PTPRM: variants seen among roughly 807,000 people sequenced by gnomAD.
PTPRM encodes the protein receptor-type tyrosine-protein phosphatase mu.
In PTPRM, 47 loss-of-function variants were observed where a neutral mutation model predicts 186.7. The ratio of observed to expected loss-of-function variants is 0.25; its 90% CI spans 0.20 to 0.32. The LOEUF is 0.32. PTPRM is among the 10% of genes least tolerant of loss of function. The probability of loss-of-function intolerance (pLI) is 1.00; values close to 1 mark genes in which losing one functional copy is unlikely to be tolerated. For missense variants in PTPRM, 1,494 were observed against 1,865.0 expected (o/e 0.80, Z 3.66); for synonymous variants, 668 against 674.9 (o/e 0.99, Z 0.16).
chr18:8,319,285 C>A, intron 22 of PTPRM, 71 bp downstream of exon 22: 1 of 1,128,712 alleles, frequency 8.9e-7, no homozygotes, highest in Non-Finnish European at 1.3e-6. Context: ...GTACCCACTT[C>A]ACCCTCCTTC....
chr18:7,719,826 T>C lies in PTPRM; in HGVS notation c.74-54323T>C, dbSNP rs557117760. 2.0e-4 allele frequency among the ~76,000 whole-genome samples: 30 copies of C among 152,286 alleles called. No homozygotes were observed. In the South Asian group the frequency reaches 6.0e-3, roughly 31 times the overall value. On this transcript the variant is annotated intron_variant, in intron 1 of 32. Transcript: ENST00000580170. The stretch of plus-strand genomic sequence containing the variant: ...GAAACTACCTCTTTACAGATGATAC[T>C]AGAAAATCCAAACAATCAATGAGAA...
chr18:8,055,780 G>A (rs1308078328), intron 7 of PTPRM, among the ~76,000 whole-genome samples: 1 of 152,188 alleles, frequency 6.6e-6, no homozygotes, highest in Non-Finnish European at 1.5e-5. Context: ...ATTTGTATTT[G>A]TGTTTGCTGG....
intron 19 of PTPRM, among the ~76,000 whole-genome samples, chr18:8,274,839 A>G (rs1309517438): frequency 6.6e-6 from 1 of 152,184 alleles, no homozygotes; most frequent in African/African-American, 2.4e-5. Flanking sequence ...GCTTGCATGC[A>G]TAGTTAATCA....
At chr18:7,853,341 A>G (rs2046954945) in intron 2 of PTPRM, among the ~76,000 whole-genome samples, 1 of 152,192 alleles carries the variant, frequency 6.6e-6, no homozygotes, top group Non-Finnish European at 1.5e-5. Flanking sequence ...TTGAAGTAGG[A>G]GAGAAGAGAC....
chr18:8,075,629 GT>G (rs2089762736), intron 8 of PTPRM, among the ~76,000 whole-genome samples: 1 of 151,856 alleles, frequency 6.6e-6, no homozygotes, highest in Non-Finnish European at 1.5e-5. Flanking sequence ...ACTTTTGTTA[GT>G]TTTTTTGCAA....
chr18:8,145,588 T>C (rs1192600763), intron 14 of PTPRM, among the ~76,000 whole-genome samples: 2 of 152,316 alleles, frequency 1.3e-5, no homozygotes, highest in Admixed American at 6.5e-5. Flanking sequence ...TTTTCTGTTC[T>C]TGTGATAGTT....
intron 7 of PTPRM, among the ~76,000 whole-genome samples, chr18:8,054,633 T>G (rs2087782849): frequency 6.6e-6 from 1 of 152,030 alleles, no homozygotes; most frequent in South Asian, 2.1e-4. Flanking sequence ...TTGCCCTACC[T>G]GTGTGTATGC....
chr18:7,610,251 A>G (rs1390128827), intron 1 of PTPRM, among the ~76,000 whole-genome samples: 4 of 152,190 alleles, frequency 2.6e-5, no homozygotes, highest in Non-Finnish European at 5.9e-5. Flanking sequence ...GTTCTAAGTG[A>G]GGTTCTCAGA....
intron 14 of PTPRM, among the ~76,000 whole-genome samples, chr18:8,146,497 G>T (rs1319202901): frequency 1.5e-4 from 2 of 13,710 alleles, no homozygotes; most frequent in Admixed American, 1.4e-3. Flanking sequence ...TTTTTAATGG[G>T]ATTGTTTTTT....
chr18:7,573,969 C>T (rs2036624381), intron 1 of PTPRM, among the ~76,000 whole-genome samples: 1 of 152,156 alleles, frequency 6.6e-6, no homozygotes. Context: ...ACTTGCAACC[C>T]TCTGACCCTG....
rs562900733 is a variant in PTPRM at position 7,650,091 on chromosome 18, C to T, written c.73+82200C>T. Among the ~76,000 whole-genome samples, 31 of 152,200 alleles carry T rather than the reference C, an allele frequency of 2.0e-4. 1 individual carries two copies. The East Asian group carries it at 5.4e-3, about 27-fold the overall frequency. On this transcript the variant is annotated intron_variant, in intron 1 of 32. Coordinates refer to ENST00000580170, the MANE Select transcript of PTPRM (RefSeq NM_001105244.2). ...GGTTGTCAGACCCACAGTATCTGTG[C>T]GGATTACTGGTACAGTATTCAGGGG...
intron 14 of PTPRM, among the ~76,000 whole-genome samples, chr18:8,238,876 G>A (rs1408136755): frequency 6.6e-6 from 1 of 151,254 alleles, no homozygotes; most frequent in Non-Finnish European, 1.5e-5. Flanking sequence ...ACCGTTAGTT[G>A]GGATAGGATG....
intron 14 of PTPRM, among the ~76,000 whole-genome samples, chr18:8,159,915 T>C (rs1814033052): frequency 6.7e-6 from 1 of 149,160 alleles, no homozygotes; most frequent in South Asian, 2.1e-4. Context: ...TGTTTTAATT[T>C]TTCTGTAGTG....
intron 1 of PTPRM, among the ~76,000 whole-genome samples, chr18:7,629,832 T>C (rs578076924): frequency 1.5e-4 from 23 of 152,202 alleles, no homozygotes; most frequent in African/African-American, 5.5e-4. Flanking sequence ...TCTCTCAGAC[T>C]GTGAAGAGAA....
intron 2 of PTPRM, chr18:7,814,019 A>G (rs2044671628): frequency 6.6e-6 from 1 of 152,076 alleles, no homozygotes. Context: ...TCCTTATACT[A>G]TTGGTTATAT....
At chr18:7,957,063 C>T (rs567053344) in intron 7 of PTPRM, among the ~76,000 whole-genome samples, 1 of 152,292 alleles carries the variant, frequency 6.6e-6, no homozygotes, top group South Asian at 2.1e-4. Context: ...TGGTTTCTCT[C>T]TCTCTCCAAA....
At chr18:8,039,365 ATGT>A (rs987331464) in intron 7 of PTPRM, among the ~76,000 whole-genome samples, 37 of 152,200 alleles carry the variant, frequency 2.4e-4, no homozygotes, top group Non-Finnish European at 4.4e-4. Flanking sequence ...CAAAGTTTAA[ATGT>A]TGTTTTAGAA....
chr18:8,300,278 A>C (rs143365475), intron 20 of PTPRM, among the ~76,000 whole-genome samples: 31 of 152,280 alleles, frequency 2.0e-4, no homozygotes, highest in African/African-American at 6.0e-4. Context: ...GTTTGGAGAT[A>C]GGAGGAACAG....
At chr18:8,226,580 G>A (rs79798742) in intron 14 of PTPRM, among the ~76,000 whole-genome samples, 17,795 of 152,136 alleles carry the variant, frequency 0.12, 1,150 homozygotes, top group Non-Finnish European at 0.15. Flanking sequence ...TTGATAGATG[G>A]GTGTTTTAGA....
Sources: allele counts gnomAD v4.1 joint callset (sites outside exome capture counted in the v4.1 genomes callset), GRCh38; gene constraint gnomAD v4.1.1; transcripts MANE v1.5; gene names NCBI Gene and HGNC (gene_info 2026-07-23, HGNC 2026-07-21).